The following RYR2 variants were observed in gnomAD, a reference collection of about 807,000 sequenced individuals.
RYR2 encodes the protein cardiac muscle ryanodine receptor-calcium release channel.
In RYR2, 227 loss-of-function variants were observed where a neutral mutation model predicts 601.1. The observed-to-expected ratio is 0.38, with a 90% CI of 0.34 to 0.42. RYR2 has a LOEUF of 0.42. Among genes scored for constraint, RYR2 ranks in the 10% least tolerant of loss-of-function variants. The pLI is 1.00. For missense variants in RYR2, 4,646 were observed against 6,156.5 expected (o/e 0.75, Z 8.21); for synonymous variants, 2,223 against 2,175.1 (o/e 1.02, Z -0.61).
chr1:237,776,307 A>G (rs1694653956), intron 87 of RYR2, among the ~76,000 whole-genome samples: 1 of 152,194 alleles, frequency 6.6e-6, no homozygotes, highest in Non-Finnish European at 1.5e-5. Context: ...TAAAGCTACT[A>G]TATCTGGTAC....
chr1:237,155,878 C>T (rs568538816), intron 1 of RYR2, among the ~76,000 whole-genome samples: 62 of 152,282 alleles, frequency 4.1e-4, no homozygotes, highest in Admixed American at 3.9e-4. Flanking sequence ...TGTTCAACCT[C>T]GTCACCATTT....
chr1:237,663,282 A>G (rs1280153685), intron 56 of RYR2, among the ~76,000 whole-genome samples: 1 of 152,092 alleles, frequency 6.6e-6, no homozygotes, highest in East Asian at 1.9e-4. Flanking sequence ...TTTTTATGTT[A>G]CTGATTTCCT....
rs1163625108 is a variant in RYR2 at position 237,742,465 on chromosome 1, G to GAACT, written c.11145+117_11145+120dup. ...GCTTATTGCAGCTTATTGTGTCAAG[G>GAACT]AACTGCATGTCAGAGCTGGATGGAC... On this transcript the variant is annotated intron_variant, in intron 80 of 104. Transcript: ENST00000366574. 151 of 789,928 alleles carry GAACT rather than the reference G, an allele frequency of 1.9e-4. 1 individual carries two copies. The East Asian group carries it at 4.0e-3, about 21-fold the overall frequency. 48.9% of individuals were successfully genotyped at this position (789,928 alleles called of 1,614,324 possible).
chr1:237,523,488 A>C (rs1051939870), intron 24 of RYR2, among the ~76,000 whole-genome samples: 2 of 152,198 alleles, frequency 1.3e-5, no homozygotes, highest in African/African-American at 4.8e-5. Flanking sequence ...TAATTCCAGC[A>C]CTTTGGGAGG....
At chr1:237,573,999 C>T (rs750442408) in intron 29 of RYR2, among the ~76,000 whole-genome samples, 2 of 152,032 alleles carry the variant, frequency 1.3e-5, no homozygotes, top group South Asian at 2.1e-4. Flanking sequence ...TCCTCAAAAC[C>T]ACGCTTACAT....
chr1:237,594,816 T>A (rs1055225764), intron 33 of RYR2, among the ~76,000 whole-genome samples: 1 of 150,878 alleles, frequency 6.6e-6, no homozygotes, highest in Admixed American at 6.6e-5. Context: ...TTACTTAACT[T>A]TGTTACCATC....
chr1:237,363,821 A>G (rs1365645321), intron 4 of RYR2, among the ~76,000 whole-genome samples: 5 of 152,182 alleles, frequency 3.3e-5, no homozygotes, highest in Admixed American at 3.3e-4. Flanking sequence ...TTTTCTGTGA[A>G]ATTCACCTTT....
At chr1:237,052,236 A>G (rs2148151807) in intron 1 of RYR2, among the ~76,000 whole-genome samples, 1 of 152,272 alleles carries the variant, frequency 6.6e-6, no homozygotes, top group South Asian at 2.1e-4. Flanking sequence ...CCTTATATGC[A>G]TCAACCTGGG....
At chr1:237,313,485 A>T (rs1423891677) in intron 2 of RYR2, among the ~76,000 whole-genome samples, 1 of 152,202 alleles carries the variant, frequency 6.6e-6, no homozygotes, top group Non-Finnish European at 1.5e-5. Flanking sequence ...TTAAAGATGG[A>T]GGAAGGGACC....
At chr1:237,818,733 C>T (rs1288285516) in intron 100 of RYR2, among the ~76,000 whole-genome samples, 1 of 151,100 alleles carries the variant, frequency 6.6e-6, no homozygotes, top group Non-Finnish European at 1.5e-5. Flanking sequence ...ACCTCATTAG[C>T]ACAGATGGTT....
rs570526175 is a variant in RYR2, at chr1:237,272,175, T to C, written c.168+1559T>C. Among the ~76,000 whole-genome samples the C allele has an allele frequency of 8.3e-4, 126 of 152,198 alleles. 1 individual carries two copies. The highest frequency in any genetic ancestry group is 1.4e-3 in the Non-Finnish European group (93 of 67,996). ...GAACTAAGAGGAAGCAAAGGAACCATGGCATAGTGAGGTGAGACGTTTCTG... is the reference window on the plus strand; with the variant it reads ...GAACTAAGAGGAAGCAAAGGAACCACGGCATAGTGAGGTGAGACGTTTCTG... On this transcript the variant is annotated intron_variant, in intron 2 of 104. Coordinates refer to ENST00000366574, the MANE Select transcript of RYR2 (RefSeq NM_001035.3).
intron 2 of RYR2, among the ~76,000 whole-genome samples, chr1:237,313,859 TACTC>T (rs887183708): frequency 2.0e-5 from 3 of 152,052 alleles, no homozygotes; most frequent in Admixed American, 6.5e-5. Flanking sequence ...CTTATTTATT[TACTC>T]ACTCACTCAC....
chr1:237,154,715 T>C (rs996568267), intron 1 of RYR2, among the ~76,000 whole-genome samples: 1 of 152,214 alleles, frequency 6.6e-6, no homozygotes, highest in Non-Finnish European at 1.5e-5. Context: ...CTCCGTCCTA[T>C]CCCTAGAGGG....
In RYR2 at chr1:237,698,983, T is replaced by C; in HGVS notation, c.9086T>C (p.Ile3029Thr). 1 of 1,556,674 alleles carries C rather than the reference T, an allele frequency of 6.4e-7. No homozygotes were observed. Among genetic ancestry groups the C allele is most frequent in the East Asian group, 2.3e-5 (1 of 42,720 alleles). Reference protein sequence around the residue: ...ISLFGNDATSIVNCLHILGQT... With the variant: ...ISLFGNDATSTVNCLHILGQT... ...TCTTTAGGCAATGATGCAACATCAA[T>C]TGTCAACTGTCTTCATATTTTGGGT... The change falls in exon 64 of 105, where the codon ATT becomes ACT. Residue 3029 changes from isoleucine to threonine, a missense_variant. Around this residue, in one of 17 missense-constraint regions of RYR2, gnomAD observed 1,497 missense variants for 1,842.6 expected, o/e 0.81. Transcript: ENST00000366574.
chr1:237,256,052 TG>T (rs1269023311), intron 1 of RYR2, among the ~76,000 whole-genome samples: 1 of 152,142 alleles, frequency 6.6e-6, no homozygotes, highest in South Asian at 2.1e-4. Flanking sequence ...CATCTTGAAT[TG>T]TAGCTCCCAT....
chr1:237,738,595 A>T (rs149188937), intron 79 of RYR2, among the ~76,000 whole-genome samples: 143 of 152,274 alleles, frequency 9.4e-4, no homozygotes, highest in African/African-American at 3.0e-3. Context: ...TTAAAAGGGC[A>T]GTAGGCTGTG....
chr1:237,723,071 G>A (rs561828462), intron 73 of RYR2, 57 bp from the exon 74 acceptor site: 82 of 1,495,940 alleles, frequency 5.5e-5, no homozygotes, highest in Middle Eastern at 1.8e-4. Flanking sequence ...TCTTTAGATT[G>A]TAACCTTGTT....
intron 10 of RYR2, among the ~76,000 whole-genome samples, chr1:237,392,483 T>TAA (rs1243747323): frequency 6.6e-6 from 1 of 151,370 alleles, no homozygotes; most frequent in Non-Finnish European, 1.5e-5. Context: ...AATAAAAACT[T>TAA]AAATAGGCTT....
At chr1:237,795,019 A>G (rs1292743183) in intron 95 of RYR2, among the ~76,000 whole-genome samples, 2 of 152,242 alleles carry the variant, frequency 1.3e-5, no homozygotes, top group African/African-American at 4.8e-5. Flanking sequence ...AAATAAATAT[A>G]ACAATGCTAC....
Sources: gnomAD v4.1 joint callset for allele counts (sites outside exome capture counted in the v4.1 genomes callset) on GRCh38, gnomAD v4.1.1 for gene constraint, gnomAD v4.1.1 regional missense constraint, MANE v1.5 for transcripts, NCBI Gene and HGNC (gene_info 2026-07-23, HGNC 2026-07-21) for gene names.